Variants in CACNA1E observed in about 807,000 individuals in gnomAD.
The protein encoded by CACNA1E is calcium voltage-gated channel subunit alpha1 E, also known as voltage-dependent R-type calcium channel subunit alpha-1E.
A neutral mutation model predicts 259.2 loss-of-function variants in CACNA1E; 40 were observed. That is an observed-to-expected ratio of 0.15 (90% CI 0.12 to 0.20). The LOEUF is 0.20. CACNA1E is among the 10% of genes least tolerant of loss of function. The probability of loss-of-function intolerance (pLI) is 1.00; values close to 1 mark genes in which losing one functional copy is unlikely to be tolerated. For synonymous variants in CACNA1E, 1,104 were observed against 1,138.5 expected (o/e 0.97, Z 0.61); for missense variants, 1,874 against 3,040.1 (o/e 0.62, Z 9.02).
intron 46 of CACNA1E, among the ~76,000 whole-genome samples, chr1:181,796,369 T>C (rs1033296166): frequency 1.3e-5 from 2 of 152,172 alleles, no homozygotes; most frequent in Non-Finnish European, 2.9e-5. Context: ...CAGATCCCTG[T>C]CTTCTTTCTA....
chr1:181,667,438 A>G (rs1648346813), intron 7 of CACNA1E, among the ~76,000 whole-genome samples: 1 of 151,808 alleles, frequency 6.6e-6, no homozygotes, highest in Non-Finnish European at 1.5e-5. Flanking sequence ...TCTTATTCTG[A>G]GAGAAAGGTT....
intron 6 of CACNA1E, among the ~76,000 whole-genome samples, chr1:181,606,265 C>T (rs559029065): frequency 1.3e-5 from 2 of 152,240 alleles, no homozygotes; most frequent in African/African-American, 4.8e-5. Context: ...CAACTGAGGG[C>T]TTGATCCCTC....
intron 6 of CACNA1E, among the ~76,000 whole-genome samples, chr1:181,598,298 G>A (rs1005780607): frequency 6.6e-6 from 1 of 152,196 alleles, no homozygotes; most frequent in Non-Finnish European, 1.5e-5. Context: ...TGTGTTCAGT[G>A]GATGCCTTGA....
At chr1:181,358,763 G>C (rs370452605) in intron 1 of CACNA1E, among the ~76,000 whole-genome samples, 8 of 152,246 alleles carry the variant, frequency 5.3e-5, no homozygotes, top group African/African-American at 1.9e-4. Context: ...TCTATAAACT[G>C]TCCTCCCTCA....
intron 1 of CACNA1E, among the ~76,000 whole-genome samples, chr1:181,335,171 C>T (rs1356175765): frequency 6.6e-6 from 1 of 152,216 alleles, no homozygotes; most frequent in East Asian, 1.9e-4. Context: ...CAACCCTGCC[C>T]TCCAGAAAGG....
rs72040839 is a variant in CACNA1E at position 181,795,767 on chromosome 1, AATATAT to A, written c.6208+738_6208+743del. 4.0e-4 allele frequency among the ~76,000 whole-genome samples: 45 copies of A among 113,318 alleles called. 1 individual carries two copies. Among genetic ancestry groups the A allele is most frequent in the African/African-American group, 1.2e-3 (38 of 32,980 alleles). 74.3% of individuals were successfully genotyped at this position (113,318 alleles called of 152,430 possible). Reference sequence around the variant, plus strand: ...AATTTCTTTTAAGCTTTTTGCTTTAAATATATATATATATATATATTAGTCTGGCTC... The same window carrying A: ...AATTTCTTTTAAGCTTTTTGCTTTAAATATATATATATATTAGTCTGGCTC... On this transcript the variant is annotated intron_variant, in intron 46 of 47. Coordinates refer to ENST00000367573, the MANE Select transcript of CACNA1E (RefSeq NM_001205293.3).
intron 2 of CACNA1E, among the ~76,000 whole-genome samples, chr1:181,458,279 G>A (rs749355544): frequency 2.1e-4 from 32 of 152,152 alleles, no homozygotes; most frequent in African/African-American, 5.1e-4. Flanking sequence ...GTGCTTCGGG[G>A]ACTCCTGGTG....
intron 44 of CACNA1E, among the ~76,000 whole-genome samples, chr1:181,792,747 G>GTTCT (rs1661437070): frequency 1.3e-5 from 2 of 152,200 alleles, no homozygotes; most frequent in South Asian, 4.1e-4. Flanking sequence ...TGCCCAAGAT[G>GTTCT]TTCTTAGGTC....
intron 35 of CACNA1E, among the ~76,000 whole-genome samples, chr1:181,769,452 T>C (rs1200996213): frequency 5.9e-5 from 9 of 151,380 alleles, no homozygotes; most frequent in Non-Finnish European, 1.0e-4. Context: ...TGGTTTTTTT[T>C]TTTTGTAAAG....
rs1385132406 is a variant in CACNA1E, at chr1:181,801,874, C to G, written c.*3040C>G. 6.6e-6 allele frequency: 1 copy of G among 152,210 alleles called. No homozygotes were observed. Among genetic ancestry groups the G allele is most frequent in the Non-Finnish European group, 1.5e-5 (1 of 68,050 alleles). 9.4% of individuals were successfully genotyped at this position (152,210 alleles called of 1,614,324 possible). On this transcript the variant is annotated 3_prime_UTR_variant, in exon 48 of 48. Transcript: ENST00000367573. ...ATATATGACTCGTCTTCACCATCTC[C>G]TCAAAACAAGAGCAAAGCCAAGATA...
intron 3 of CACNA1E, among the ~76,000 whole-genome samples, chr1:181,551,580 G>A (rs1337936611): frequency 6.6e-6 from 1 of 152,204 alleles, no homozygotes; most frequent in Admixed American, 6.5e-5. Flanking sequence ...AGGCGCTCAT[G>A]GGATTAGGAG....
intron 2 of CACNA1E, among the ~76,000 whole-genome samples, chr1:181,470,014 T>C (rs886130245): frequency 4.6e-5 from 7 of 151,844 alleles, no homozygotes; most frequent in Middle Eastern, 3.4e-3. Flanking sequence ...CCCTCCTGCA[T>C]GTTAGGAGTT....
chr1:181,364,618 G>A (rs569660204), intron 1 of CACNA1E, among the ~76,000 whole-genome samples: 1 of 147,526 alleles, frequency 6.8e-6, no homozygotes, highest in Non-Finnish European at 1.5e-5. Context: ...ACGAAGATCT[G>A]GACAAAGGAA....
chr1:181,420,885 T>C (rs1024691461), intron 2 of CACNA1E, among the ~76,000 whole-genome samples: 3 of 152,216 alleles, frequency 2.0e-5, no homozygotes, highest in African/African-American at 7.2e-5. Context: ...CCTGTTTACA[T>C]GTCTGTGTCC....
At chr1:181,331,217 T>G (rs1437086422) in intron 1 of CACNA1E, among the ~76,000 whole-genome samples, 1 of 151,538 alleles carries the variant, frequency 6.6e-6, no homozygotes, top group Non-Finnish European at 1.5e-5. Flanking sequence ...CAATAGGAGA[T>G]AGATAGATAG....
intron 2 of CACNA1E, among the ~76,000 whole-genome samples, chr1:181,447,342 A>G (rs2102320284): frequency 6.6e-6 from 1 of 151,796 alleles, no homozygotes; most frequent in African/African-American, 2.4e-5. Flanking sequence ...GCTGGGCAAC[A>G]TAGCAAGACC....
intron 17 of CACNA1E, 78 bp from the exon 18 acceptor site, chr1:181,725,987 C>T (rs1654871201): frequency 2.1e-6 from 2 of 936,068 alleles, no homozygotes; most frequent in Non-Finnish European, 3.4e-6. Flanking sequence ...TTCAGAACTC[C>T]TCCTTAGGAG....
At chr1:181,419,552 C>A (rs1658563325) in intron 2 of CACNA1E, among the ~76,000 whole-genome samples, 1 of 152,218 alleles carries the variant, frequency 6.6e-6, no homozygotes, top group Admixed American at 6.5e-5. Flanking sequence ...CCAACGGACA[C>A]ACAAACACAC....
At chr1:181,511,728 G>A (rs1289637346) in intron 3 of CACNA1E, among the ~76,000 whole-genome samples, 2 of 152,174 alleles carry the variant, frequency 1.3e-5, no homozygotes, top group African/African-American at 4.8e-5. Context: ...GTGTTAGGCA[G>A]AGGCCATGGG....
Sources: gnomAD v4.1 joint callset for allele counts (sites outside exome capture counted in the v4.1 genomes callset) on GRCh38, gnomAD v4.1.1 for gene constraint, MANE v1.5 for transcripts, NCBI Gene and HGNC (gene_info 2026-07-23, HGNC 2026-07-21) for gene names.